ANKZF1: variants seen among roughly 807,000 people sequenced by gnomAD.
ANKZF1 encodes ankyrin repeat and zinc finger peptidyl tRNA hydrolase 1, also known as tRNA endonuclease ANKZF1.
Under a neutral mutation model 86.0 loss-of-function variants are expected in ANKZF1, and 84 were observed. The observed-to-expected ratio is 0.98, with a 90% CI of 0.82 to 1.17. The LOEUF (loss-of-function observed/expected upper bound fraction) is 1.17, where lower values mean the gene tolerates loss of function less well. Ranked by LOEUF, ANKZF1 falls within the 50% of genes most tolerant of loss-of-function variation. The pLI is 0.00. For synonymous variants in ANKZF1, 331 were observed against 354.2 expected, an observed-to-expected ratio of 0.93 and a Z score of 0.74; for missense variants, 893 against 918.4, an observed-to-expected ratio of 0.97 and a Z score of 0.36.
In ANKZF1 at chr2:219,232,031, C is replaced by G; in HGVS notation, c.252C>G (p.His84Gln). 6.2e-7 allele frequency: 1 copy of G among 1,603,790 alleles called. No homozygotes were observed. Among genetic ancestry groups the G allele is most frequent in the Non-Finnish European group, 8.5e-7 (1 of 1,175,300 alleles). The change falls in exon 3 of 14, where the codon CAC (histidine) becomes CAG (glutamine). Residue 84 changes from histidine to glutamine, a missense_variant. Transcript: ENST00000323348. ...CSTCDQTFQNHQEQREHYKLD... is the reference protein window; with the variant it reads ...CSTCDQTFQNQQEQREHYKLD... ...CTTGTGACCAGACCTTCCAGAACCACCAAGAACAGGTAATAGGTCAGGTGC... is the reference window on the plus strand; with the variant it reads ...CTTGTGACCAGACCTTCCAGAACCAGCAAGAACAGGTAATAGGTCAGGTGC...
chr2:219,233,750 T>G lies in ANKZF1; in HGVS notation c.855T>G (p.Ala285=). The G allele has an allele frequency of 6.2e-7, 1 of 1,614,032 alleles. No homozygotes were observed. The highest frequency in any genetic ancestry group is 8.5e-7 in the Non-Finnish European group (1 of 1,179,972). The change falls in exon 8 of 14, where the codon GCT becomes GCG. Residue 285 remains alanine (A), a synonymous_variant. Coordinates refer to ENST00000323348, the MANE Select transcript of ANKZF1 (RefSeq NM_018089.3). ...ACCTGCTGGCAGGGCCAAGCTGGGC[T>G]AAGGCGCTGGAGGAGGCTGGTACAA... ...VRDLLAGPSW[A]KALEEAGTIL...
rs1007360744 is a variant in ANKZF1, at chr2:219,234,314, A to G, written c.1204+26A>G. 8.7e-6 allele frequency: 14 copies of G among 1,613,690 alleles called. No individual in the cohort carries two copies. The African/African-American group carries it at 1.9e-4, about 22-fold the overall frequency. On this transcript the variant is annotated intron_variant, in intron 9 of 13. Transcript: ENST00000323348. ...GTTTGATTACTATCTGGCAACTGTC[A>G]GATCTGAGTTTCTGTCCTAAAAATG...
rs1301002222 is a variant in ANKZF1, at chr2:219,233,360, G to A, written c.746G>A (p.Arg249Gln). 16 of 1,614,122 alleles carry A rather than the reference G, an allele frequency of 9.9e-6. 1 individual carries two copies. Among genetic ancestry groups the A allele is most frequent in the South Asian group, 4.4e-5 (4 of 91,092 alleles). ...AAGCGGGGCACAGCCCAGGGGCTTC[G>A]GGATGCCCGAGGTGGGCCATCACAC... The part of the protein sequence containing the change: ...RAKRGTAQGL[R>Q]DARGGPSHSA... The change falls in exon 7 of 14, where the codon CGG becomes CAG. Residue 249 changes from arginine (R) to glutamine (Q), a missense_variant. By Grantham distance (43) the Arg-to-Gln change is conservative. Coordinates refer to ENST00000323348, the MANE Select transcript of ANKZF1 (RefSeq NM_018089.3).
At chr2:219,232,882 A>C (rs1271523865) in intron 5 of ANKZF1, 197 bp from the exon 6 acceptor site, 3 of 829,942 alleles carry the variant, frequency 3.6e-6, no homozygotes, top group Non-Finnish European at 5.6e-6. Flanking sequence ...TTGGAAACAA[A>C]CCAATTTAGG....
In ANKZF1 at chr2:219,235,306, CTG is replaced by C. The variant is rs773993147; in HGVS notation, c.1688_1689del (p.Val563AlafsTer14). On this transcript the variant is annotated frameshift_variant, in exon 10 of 14. Coordinates refer to ENST00000323348, the MANE Select transcript of ANKZF1 (RefSeq NM_018089.3). LOFTEE classifies it high-confidence loss of function. ...CTGCTGGAAGCAGGTGCTGACCCCA[CTG>C]TGCAGTGAGTAAAGGTCCCCATCCT... is the stretch of plus-strand genomic sequence containing the variant. 2.2e-5 allele frequency: 35 copies of C among 1,610,274 alleles called. 1 individual carries two copies. In the East Asian group the frequency reaches 6.2e-4, roughly 29 times the overall value.
chr2:219,234,356 ACT>A, intron 9 of ANKZF1, 68 bp downstream of exon 9: 1 of 1,590,798 alleles, frequency 6.3e-7, no homozygotes, highest in Non-Finnish European at 8.6e-7. Flanking sequence ...CAAATTCCCT[ACT>A]CTCATAACTG....
At chr2:219,234,461 T>G in intron 9 of ANKZF1, 173 bp downstream of exon 9, 1 of 850,528 alleles carries the variant, frequency 1.2e-6, no homozygotes, top group Non-Finnish European at 1.9e-6. Context: ...TTATCTCTTT[T>G]GTTATGGATG....
Position 219,236,379 on chromosome 2 carries a change from C to T in ANKZF1, c.2115C>T (p.Asp705=). 2 of 1,614,120 alleles carry T rather than the reference C, an allele frequency of 1.2e-6. No homozygotes were observed. The highest frequency in any genetic ancestry group is 1.7e-5 in the Admixed American group (1 of 59,996). The change falls in exon 14 of 14, where the codon GAC becomes GAT. Residue 705 remains aspartate (D), a synonymous_variant. Transcript: ENST00000323348. ...LQGLTPFHYL[D]FSFCSTRCLQ... ...GCCTGACTCCCTTTCACTACCTCGA[C>T]TTCTCTTTCTGCTCCACACGTTGCC...
In ANKZF1 at chr2:219,235,088, T is replaced by C. The variant is rs1574853174; in HGVS notation, c.1467T>C (p.Pro489=). Residue 489 remains proline (P), a synonymous_variant, in exon 10 of 14, where the codon CCT becomes CCC. Transcript: ENST00000323348. ...LGPLLDEAKA[P]GQPELWNALL... is the part of the protein sequence containing the mutation. ...CTTTGCTGGATGAGGCCAAAGCCCC[T>C]GGTCAGCCAGAGCTCTGGAATGCAC... 6.2e-7 allele frequency: 1 copy of C among 1,614,170 alleles called. No individual in the cohort carries two copies. The highest frequency in any genetic ancestry group is 1.1e-5 in the South Asian group (1 of 91,082).
At chr2:219,231,835 C>A (rs751832730) in intron 2 of ANKZF1, 93 bp from the exon 3 acceptor site, 3 of 1,032,574 alleles carry the variant, frequency 2.9e-6, no homozygotes, top group Non-Finnish European at 4.5e-6. Flanking sequence ...CTTTTGTATC[C>A]TCCTCTGCTT....
chr2:219,235,054 C>A lies in ANKZF1; in HGVS notation c.1433C>A (p.Pro478His). ...CAGTCATCCCAGGCAGTTGCTGCCC[C>A]CTTGGGCCCTTTGCTGGATGAGGCC... ...STQSSQAVAA[P>H]LGPLLDEAKA... Residue 478 changes from proline (P) to histidine (H), a missense_variant, in exon 10 of 14, where the codon CCC becomes CAC. Pro to His is a moderately conservative substitution (Grantham distance 77). Transcript: ENST00000323348. 1 of 1,614,244 alleles carries A rather than the reference C, an allele frequency of 6.2e-7. No individual in the cohort carries two copies. Among genetic ancestry groups the A allele is most frequent in the Middle Eastern group, 1.7e-4 (1 of 6,060 alleles).
chr2:219,234,611 C>T, intron 9 of ANKZF1: 1 of 698,220 alleles, frequency 1.4e-6, no homozygotes, highest in Non-Finnish European at 2.3e-6. Context: ...GTGCGGCACC[C>T]TAAGGCTACT....
chr2:219,235,020 C>T lies in ANKZF1; in HGVS notation c.1399C>T (p.Pro467Ser). Residue 467 changes from proline (P) to serine (S), a missense_variant, in exon 10 of 14, where the codon CCT (proline) becomes TCT (serine). Coordinates refer to ENST00000323348, the MANE Select transcript of ANKZF1 (RefSeq NM_018089.3). ...TLLQQTQEEE[P>S]STQSSQAVAA... ...TCTCCAGCAAACTCAAGAAGAGGAG[C>T]CTTCCACACAGTCATCCCAGGCAGT... The T allele has an allele frequency of 1.2e-6, 2 of 1,614,260 alleles. No homozygotes were observed. The highest frequency in any genetic ancestry group is 1.7e-6 in the Non-Finnish European group (2 of 1,180,046).
At position 219,235,749 on chromosome 2, in the gene ANKZF1, T is replaced by C. The variant is rs1167129793; in HGVS notation, c.1845T>C (p.Ala615=). Reference sequence around the variant, plus strand: ...CACCAGAAATGGAGGCACGGCAGGCTACACGGAAAAGGGAGCAGAAGGCAG... The same window carrying C: ...CACCAGAAATGGAGGCACGGCAGGCCACACGGAAAAGGGAGCAGAAGGCAG... ...PLTPEMEARQ[A]TRKREQKAAR... Residue 615 remains alanine, a synonymous_variant, in exon 12 of 14, where the codon GCT becomes GCC. Coordinates refer to ENST00000323348, the MANE Select transcript of ANKZF1 (RefSeq NM_018089.3). 1.9e-6 allele frequency: 3 copies of C among 1,613,992 alleles called. No individual in the cohort carries two copies. The African/African-American group carries it at 4.0e-5, about 22-fold the overall frequency.
In ANKZF1 at chr2:219,235,831, C is replaced by G. The variant is rs150402081; in HGVS notation, c.1927C>G (p.Arg643Gly). The G allele has an allele frequency of 3.1e-6, 5 of 1,614,158 alleles. No homozygotes were observed. In the African/African-American group the frequency reaches 6.7e-5, roughly 22 times the overall value. ...GCAGCAGGAGCAGGAGGAGCGTGAA[C>G]GAGAAGAGCAGCGGCGATTTGCCGC... ...QRQQEQEERE[R>G]EEQRRFAALS... The change falls in exon 12 of 14, where the codon CGA becomes GGA. Residue 643 changes from arginine (R) to glycine (G), a missense_variant. Transcript: ENST00000323348.
At position 219,233,295 on chromosome 2, in the gene ANKZF1, G is replaced by T. The variant is rs760301007; in HGVS notation, c.681G>T (p.Val227=). 1 of 1,614,238 alleles carries T rather than the reference G, an allele frequency of 6.2e-7. No individual in the cohort carries two copies. Among genetic ancestry groups the T allele is most frequent in the South Asian group, 1.1e-5 (1 of 91,088 alleles). The change falls in exon 7 of 14, where the codon GTG becomes GTT. Residue 227 remains valine, a synonymous_variant. Transcript: ENST00000323348. ...TCTGTGCTGTCTACAGAAGAGAAGT[G>T]GTGACACACAAAACTTTTCACCGCT... ...FAGAIFQGRE[V]VTHKTFHRYT...
In ANKZF1 at chr2:219,235,071, G is replaced by A; in HGVS notation, c.1450G>A (p.Asp484Asn). ...AVAAPLGPLL[D>N]EAKAPGQPEL... ...TGCTGCCCCCTTGGGCCCTTTGCTG[G>A]ATGAGGCCAAAGCCCCTGGTCAGCC... The change falls in exon 10 of 14, where the codon GAT (aspartate) becomes AAT (asparagine). Residue 484 changes from aspartate to asparagine, a missense_variant. Coordinates refer to ENST00000323348, the MANE Select transcript of ANKZF1 (RefSeq NM_018089.3). 2.5e-6 allele frequency: 4 copies of A among 1,614,200 alleles called. No homozygotes were observed. Among genetic ancestry groups the A allele is most frequent in the Non-Finnish European group, 3.4e-6 (4 of 1,180,048 alleles).
In ANKZF1 at chr2:219,234,261, G is replaced by C. The variant is rs1051161722; in HGVS notation, c.1177G>C (p.Gly393Arg). Residue 393 changes from glycine (G) to arginine (R), a missense_variant, in exon 9 of 14, where the codon GGG becomes CGG. Physicochemically the swap from Gly to Arg is moderately radical, Grantham distance 125. Transcript: ENST00000323348. Reference sequence around the variant, plus strand: ...CTGCAGGGATGAAAAGGAAGCGCTGGGGCAGAATGAGGAATCTCCCAAACA... The same window carrying C: ...CTGCAGGGATGAAAAGGAAGCGCTGCGGCAGAATGAGGAATCTCCCAAACA... ...KICRDEKEALGQNEESPKQGS... is the reference protein window; with the variant it reads ...KICRDEKEALRQNEESPKQGS... The C allele has an allele frequency of 3.1e-6, 5 of 1,613,804 alleles. No individual in the cohort carries two copies. Among genetic ancestry groups the C allele is most frequent in the African/African-American group, 1.3e-5 (1 of 74,902 alleles).
chr2:219,235,996 C>G lies in ANKZF1; in HGVS notation c.1972-14C>G. 1 of 1,614,208 alleles carries G rather than the reference C, an allele frequency of 6.2e-7. No homozygotes were observed. Among genetic ancestry groups the G allele is most frequent in the Non-Finnish European group, 8.5e-7 (1 of 1,180,030 alleles). On this transcript the variant is annotated splice_polypyrimidine_tract_variant and intron_variant, in intron 12 of 13. Transcript: ENST00000323348. ...CACTGGGGCCTTGTCCTTAACACAA[C>G]TTGTCTCCCTCAGAGAGCTCTGGCT...
Sources: allele counts gnomAD v4.1 joint callset, GRCh38; gene constraint gnomAD v4.1.1; transcripts MANE v1.5; gene names NCBI Gene and HGNC (gene_info 2026-07-23, HGNC 2026-07-21).